Variants in IL1RAPL1 observed in about 807,000 individuals in gnomAD.
IL1RAPL1 encodes interleukin-1 receptor accessory protein-like 1.
A neutral mutation model predicts 48.4 loss-of-function variants in IL1RAPL1; 3 were observed. The observed-to-expected ratio is 0.06, with a 90% CI of 0.03 to 0.16. IL1RAPL1 has a LOEUF of 0.16. Among genes scored for constraint, IL1RAPL1 ranks in the 10% least tolerant of loss-of-function variants. The probability of loss-of-function intolerance (pLI) is 1.00; values close to 1 mark genes in which losing one functional copy is unlikely to be tolerated. For synonymous variants in IL1RAPL1, 185 were observed against 187.7 expected (o/e 0.99, Z 0.12); for missense variants, 349 against 530.6 (o/e 0.66, Z 3.36).
intron 5 of IL1RAPL1, among the ~76,000 whole-genome samples, chrX:29,498,646 C>T (rs1935240469): frequency 2.7e-5 from 3 of 109,846 alleles, no homozygotes; most frequent in Admixed American, 9.8e-5. Flanking sequence ...TAGAATATTC[C>T]TTAGATTAGG....
intron 2 of IL1RAPL1, among the ~76,000 whole-genome samples, chrX:28,962,237 A>C (rs1462244830): frequency 8.9e-6 from 1 of 112,090 alleles, no homozygotes; most frequent in Non-Finnish European, 1.9e-5. Context: ...TCAAATGACT[A>C]AGCTTCATAT....
intron 1 of IL1RAPL1, among the ~76,000 whole-genome samples, chrX:28,693,759 C>T (rs1056573014): frequency 8.9e-6 from 1 of 111,809 alleles, no homozygotes; most frequent in African/African-American, 3.3e-5. Flanking sequence ...ATGTTATTGA[C>T]GAAGAGATAC....
chrX:29,795,308 C>T (rs1217218221), intron 6 of IL1RAPL1, among the ~76,000 whole-genome samples: 1 of 112,005 alleles, frequency 8.9e-6, no homozygotes, highest in Middle Eastern at 4.7e-3. Flanking sequence ...TCATTTGAAC[C>T]AATGGCCTGG....
chrX:29,761,198 A>G (rs985798323), intron 6 of IL1RAPL1, among the ~76,000 whole-genome samples: 2 of 112,094 alleles, frequency 1.8e-5, no homozygotes, highest in Non-Finnish European at 3.8e-5. Context: ...TTTGAAGTGT[A>G]CAGTTCAGTG....
chrX:29,644,268 T>G (rs1925254247), intron 5 of IL1RAPL1, among the ~76,000 whole-genome samples: 1 of 112,197 alleles, frequency 8.9e-6, no homozygotes, highest in African/African-American at 3.2e-5. Flanking sequence ...CAAATCCTGT[T>G]TTCTTTTTGC....
At chrX:29,881,618 A>T (rs1226421098) in intron 6 of IL1RAPL1, among the ~76,000 whole-genome samples, 3 of 110,635 alleles carry the variant, frequency 2.7e-5, no homozygotes, top group Non-Finnish European at 5.7e-5. Flanking sequence ...TGATACAGGC[A>T]TGCAATGTGA....
intron 2 of IL1RAPL1, among the ~76,000 whole-genome samples, chrX:29,062,597 A>G (rs1927366892): frequency 8.9e-6 from 1 of 112,176 alleles, no homozygotes; most frequent in Admixed American, 9.4e-5. Flanking sequence ...AAGGAATAAT[A>G]AAAGCAATAA....
At position 29,479,174 on chromosome X, in the gene IL1RAPL1, C is replaced by T. The variant is rs770427162; in HGVS notation, c.703+79866C>T. On this transcript the variant is annotated intron_variant, in intron 5 of 10. Coordinates refer to ENST00000378993, the MANE Select transcript of IL1RAPL1 (RefSeq NM_014271.4). ...TCTGTAATCCCAGCACTTGGAGAGG[C>T]CAAGGTGGGACAATCACTTGAGCCC... 9.2e-5 allele frequency among the ~76,000 whole-genome samples: 10 copies of T among 109,160 alleles called. No homozygotes were observed. In the South Asian group the frequency reaches 4.0e-3, roughly 44 times the overall value. 94.8% of individuals were successfully genotyped at this position (109,160 alleles called of 115,157 possible).
intron 2 of IL1RAPL1, among the ~76,000 whole-genome samples, chrX:29,164,563 C>T (rs903149283): frequency 1.1e-4 from 12 of 111,066 alleles, no homozygotes; most frequent in African/African-American, 3.9e-4. Flanking sequence ...TCATTCATGT[C>T]CACATACTAT....
At chrX:28,687,930 C>T (rs973065047) in intron 1 of IL1RAPL1, among the ~76,000 whole-genome samples, 7 of 109,961 alleles carry the variant, frequency 6.4e-5, no homozygotes, top group Admixed American at 1.9e-4. Context: ...GGCGAAACTT[C>T]GTCTCTACTA....
intron 2 of IL1RAPL1, among the ~76,000 whole-genome samples, chrX:28,843,902 G>C (rs1921439961): frequency 9.1e-6 from 1 of 110,284 alleles, no homozygotes; most frequent in South Asian, 3.9e-4. Context: ...ATTTTTGTCA[G>C]GCAGTGTGTA....
intron 2 of IL1RAPL1, among the ~76,000 whole-genome samples, chrX:28,870,366 G>T (rs374300232): frequency 9.0e-6 from 1 of 111,151 alleles, no homozygotes; most frequent in Non-Finnish European, 1.9e-5. Context: ...TTTTTTAACT[G>T]TAGGCTTTAC....
At chrX:29,322,714 T>C (rs1053656996) in intron 3 of IL1RAPL1, among the ~76,000 whole-genome samples, 2 of 111,850 alleles carry the variant, frequency 1.8e-5, no homozygotes, top group Non-Finnish European at 3.8e-5. Flanking sequence ...TCATGCATCT[T>C]TGGCTCAAGT....
chrX:29,885,040 C>A (rs184852335), intron 6 of IL1RAPL1, among the ~76,000 whole-genome samples: 2 of 95,834 alleles, frequency 2.1e-5, no homozygotes, highest in Admixed American at 1.0e-4. Context: ...AATTCTTCAT[C>A]CCCCCGTCTT....
chrX:29,710,338 A>G (rs920270039), intron 6 of IL1RAPL1, among the ~76,000 whole-genome samples: 19 of 92,480 alleles, frequency 2.1e-4, no homozygotes, highest in African/African-American at 7.6e-4. Flanking sequence ...CATTTCTTCT[A>G]TATCTACTTT....
chrX:28,977,574 A>G (rs1370966929), intron 2 of IL1RAPL1, among the ~76,000 whole-genome samples: 1 of 112,696 alleles, frequency 8.9e-6, no homozygotes, highest in African/African-American at 3.2e-5. Flanking sequence ...GTGAGGACAC[A>G]GATCCAAACC....
At chrX:28,627,937 T>TTAG (rs1403051534) in intron 1 of IL1RAPL1, among the ~76,000 whole-genome samples, 1 of 111,495 alleles carries the variant, frequency 9.0e-6, no homozygotes, top group African/African-American at 3.3e-5. Context: ...ACTTACAAGG[T>TTAG]TAGCTACTGC....
chrX:28,615,205 T>TG (rs1934201660), intron 1 of IL1RAPL1, among the ~76,000 whole-genome samples: 2 of 38,107 alleles, frequency 5.2e-5, no homozygotes, highest in African/African-American at 1.2e-4. Context: ...GTCTGTTTTT[T>TG]TTTTTTTTTT....
chrX:28,903,782 AT>A (rs1923145911), intron 2 of IL1RAPL1, among the ~76,000 whole-genome samples: 1 of 111,100 alleles, frequency 9.0e-6, no homozygotes, highest in Non-Finnish European at 1.9e-5. Context: ...CATATATTCT[AT>A]GGGCAAAATA....
Sources: gnomAD v4.1 joint callset for allele counts (sites outside exome capture counted in the v4.1 genomes callset) on GRCh38, gnomAD v4.1.1 for gene constraint, MANE v1.5 for transcripts, NCBI Gene and HGNC (gene_info 2026-07-23, HGNC 2026-07-21) for gene names.